The following ARID2 variants were observed in gnomAD, a reference collection of about 807,000 sequenced individuals.
ARID2 encodes AT-rich interaction domain 2, also known as AT-rich interactive domain-containing protein 2.
Under a neutral mutation model 184.6 loss-of-function variants are expected in ARID2, and 32 were observed. That is an observed-to-expected ratio of 0.17 (90% CI 0.13 to 0.23). The LOEUF (loss-of-function observed/expected upper bound fraction) is 0.23. Ranked by LOEUF, ARID2 falls within the 10% of genes least tolerant of loss-of-function variation. The pLI, the probability that ARID2 is intolerant of heterozygous loss-of-function variation, is 1.00. For missense variants in ARID2, 1,696 were observed against 2,197.6 expected, an observed-to-expected ratio of 0.77 and a Z score of 4.56; for synonymous variants, 836 against 772.6, an observed-to-expected ratio of 1.08 and a Z score of -1.36.
chr12:45,833,654 A>T (rs1294809802), intron 6 of ARID2, among the ~76,000 whole-genome samples: 12 of 152,132 alleles, frequency 7.9e-5, no homozygotes, highest in Admixed American at 6.5e-4. Flanking sequence ...TTAAAGCTTT[A>T]TGACATATGT....
In ARID2 at chr12:45,786,354, G is replaced by A. The variant is rs555558489; in HGVS notation, c.285-25064G>A. Among the ~76,000 whole-genome samples, 13 of 152,202 alleles carry A rather than the reference G, an allele frequency of 8.5e-5. No individual in the cohort carries two copies. In the South Asian group the frequency reaches 1.9e-3, roughly 22 times the overall value. ...GTGACTAGTCTTTAAGCCAAAATTT[G>A]AAATACACATTCTGACATAATATGA... On this transcript the variant is annotated intron_variant, in intron 3 of 20. Transcript: ENST00000334344.
At chr12:45,813,491 A>G (rs2138086127) in intron 4 of ARID2, among the ~76,000 whole-genome samples, 1 of 150,062 alleles carries the variant, frequency 6.7e-6, no homozygotes, top group South Asian at 2.1e-4. Context: ...AAATGAAATT[A>G]TCTAATATTA....
At chr12:45,733,846 A>G (rs896241128) in intron 3 of ARID2, among the ~76,000 whole-genome samples, 1 of 152,226 alleles carries the variant, frequency 6.6e-6, no homozygotes, top group African/African-American at 2.4e-5. Flanking sequence ...AATTTTCTCA[A>G]ATATACATTT....
At position 45,740,936 on chromosome 12, in the gene ARID2, T is replaced by G. The variant is rs544680328; in HGVS notation, c.284+9622T>G. 1.2e-4 allele frequency among the ~76,000 whole-genome samples: 18 copies of G among 152,322 alleles called. 1 individual carries two copies. In the South Asian group the frequency reaches 2.1e-3, roughly 18 times the overall value. Reference sequence around the variant, plus strand: ...CTCATTATTGCTGAGATTAAGGTGGTATCCTCCTGATTTCTCCACTGTAAA... The same window carrying G: ...CTCATTATTGCTGAGATTAAGGTGGGATCCTCCTGATTTCTCCACTGTAAA... On this transcript the variant is annotated intron_variant, in intron 3 of 20. Coordinates refer to ENST00000334344, the MANE Select transcript of ARID2 (RefSeq NM_152641.4).
At chr12:45,828,404 A>G (rs1943045019) in intron 6 of ARID2, among the ~76,000 whole-genome samples, 1 of 152,078 alleles carries the variant, frequency 6.6e-6, no homozygotes, top group South Asian at 2.1e-4. Flanking sequence ...GGTTGGACAC[A>G]AATAATTTTG....
rs11183221 is a variant in ARID2 at position 45,846,339 on chromosome 12, T to C, written c.1499-517T>C. Among the ~76,000 whole-genome samples, 61 of 152,318 alleles carry C rather than the reference T, an allele frequency of 4.0e-4. No homozygotes were observed. In the East Asian group the frequency reaches 0.011, roughly 27 times the overall value. ...CACTGTATTCCAAAAATTTTATATA[T>C]GCCACTTACAGAGTTATTAATCTTT... On this transcript the variant is annotated intron_variant, in intron 11 of 20. Transcript: ENST00000334344.
intron 3 of ARID2, among the ~76,000 whole-genome samples, chr12:45,767,734 A>T (rs1941799152): frequency 6.6e-6 from 1 of 152,200 alleles, no homozygotes; most frequent in Non-Finnish European, 1.5e-5. Flanking sequence ...GTATCTGTGG[A>T]ACTATAGTTT....
At position 45,817,736 on chromosome 12, in the gene ARID2, T is replaced by A. The variant is rs749833945; in HGVS notation, c.485T>A (p.Val162Glu). The A allele has an allele frequency of 1.4e-5, 22 of 1,613,030 alleles. No homozygotes were observed. Among genetic ancestry groups the A allele is most frequent in the Middle Eastern group, 1.7e-4 (1 of 5,874 alleles). ...TCGCCAAATGATTATAATAAATTGG[T>A]GCTTTCACTGTTATCTGGACTCCCA... is the stretch of plus-strand genomic sequence containing the variant. ...FNSPNDYNKL[V>E]LSLLSGLPNE... The change falls in exon 5 of 21, where the codon GTG becomes GAG. Residue 162 changes from valine (V) to glutamate (E), a missense_variant. Val to Glu is a moderately radical substitution (Grantham distance 121). Around this residue, in one of 11 missense-constraint regions of ARID2, gnomAD observed 148 missense variants for 285.4 expected, o/e 0.52. Coordinates refer to ENST00000334344, the MANE Select transcript of ARID2 (RefSeq NM_152641.4).
At chr12:45,749,698 G>A (rs1288584792) in intron 3 of ARID2, among the ~76,000 whole-genome samples, 2 of 152,330 alleles carry the variant, frequency 1.3e-5, no homozygotes, top group African/African-American at 2.4e-5. Context: ...ATATCCTGCT[G>A]TAGATTCACT....
intron 3 of ARID2, among the ~76,000 whole-genome samples, chr12:45,741,663 A>T (rs749623858): frequency 6.6e-6 from 1 of 152,146 alleles, no homozygotes; most frequent in Non-Finnish European, 1.5e-5. Flanking sequence ...TCTTTTTAAC[A>T]TGTGTCTATT....
intron 3 of ARID2, among the ~76,000 whole-genome samples, chr12:45,748,101 G>C (rs1383095244): frequency 1.3e-5 from 2 of 152,162 alleles, no homozygotes; most frequent in Non-Finnish European, 2.9e-5. Context: ...GTGGCTCAAC[G>C]CCTGTAGGCC....
At chr12:45,758,673 T>C (rs1941616607) in intron 3 of ARID2, among the ~76,000 whole-genome samples, 2 of 152,226 alleles carry the variant, frequency 1.3e-5, no homozygotes, top group Admixed American at 6.5e-5. Flanking sequence ...TTGGGCCTTA[T>C]TCTTTCCTAT....
chr12:45,873,586 CAG>C (rs1943959900), intron 16 of ARID2, among the ~76,000 whole-genome samples: 1 of 151,982 alleles, frequency 6.6e-6, no homozygotes, highest in Non-Finnish European at 1.5e-5. Context: ...AGGCATACCT[CAG>C]AGATATTGCA....
intron 20 of ARID2, among the ~76,000 whole-genome samples, chr12:45,897,991 T>C (rs1360621743): frequency 6.6e-6 from 1 of 151,888 alleles, no homozygotes; most frequent in Non-Finnish European, 1.5e-5. Flanking sequence ...AGAGACGAGG[T>C]CTCACCATGT....
At chr12:45,753,606 C>CT (rs1233941119) in intron 3 of ARID2, among the ~76,000 whole-genome samples, 1 of 151,992 alleles carries the variant, frequency 6.6e-6, no homozygotes, top group Non-Finnish European at 1.5e-5. Context: ...ATCCAGGTTT[C>CT]TTTTTTCTTT....
rs893398004 is a variant in ARID2, at chr12:45,905,918, CTG to C, written c.*843_*844del. On this transcript the variant is annotated 3_prime_UTR_variant, in exon 21 of 21. Coordinates refer to ENST00000334344, the MANE Select transcript of ARID2 (RefSeq NM_152641.4). ...GTAAAGTCAAAACAGTTTTGTGGAACTGTGATTTTTTTTTCTTTTTTCTTTTT... is the reference window on the plus strand; with the variant it reads ...GTAAAGTCAAAACAGTTTTGTGGAACTGATTTTTTTTTCTTTTTTCTTTTT... 4.4e-6 allele frequency: 1 copy of C among 225,812 alleles called. No individual in the cohort carries two copies. Among genetic ancestry groups the C allele is most frequent in the Non-Finnish European group, 8.6e-6 (1 of 116,160 alleles). The allele number at this position is 225,812 out of a possible 1,614,324, so 14.0% of individuals were successfully genotyped here. A position where few individuals can be genotyped will look rare whatever the true frequency, so the allele number is the denominator to read the frequency against.
chr12:45,796,871 T>G (rs1011169642), intron 3 of ARID2, among the ~76,000 whole-genome samples: 7 of 152,376 alleles, frequency 4.6e-5, no homozygotes, highest in Admixed American at 4.6e-4. Flanking sequence ...ATGATACTCA[T>G]GTTTTTAATG....
At chr12:45,769,284 A>G (rs942746777) in intron 3 of ARID2, among the ~76,000 whole-genome samples, 1 of 152,162 alleles carries the variant, frequency 6.6e-6, no homozygotes, top group Non-Finnish European at 1.5e-5. Flanking sequence ...TAAAATCACT[A>G]TTAAGTAAAG....
At chr12:45,840,539 A>G (rs1943325388) in intron 11 of ARID2, 2 of 152,180 alleles carry the variant, frequency 1.3e-5, no homozygotes, top group Admixed American at 1.3e-4. Context: ...TTTTCCTTTC[A>G]GCTAGAAATG....
Sources: allele counts gnomAD v4.1 joint callset (sites outside exome capture counted in the v4.1 genomes callset), GRCh38; gene constraint gnomAD v4.1.1; regional missense constraint gnomAD v4.1.1; transcripts MANE v1.5; gene names NCBI Gene and HGNC (gene_info 2026-07-23, HGNC 2026-07-21).